IL17D: variants seen among roughly 807,000 people sequenced by gnomAD.
The protein encoded by IL17D is interleukin 17D.
A neutral mutation model predicts 5.7 loss-of-function variants in IL17D; 10 were observed. The observed-to-expected ratio is 1.75, with a 90% CI of 1.08 to 2.97. The LOEUF (loss-of-function observed/expected upper bound fraction) is 2.97. Ranked by LOEUF, IL17D falls within the 30% of genes most tolerant of loss-of-function variation. The probability of loss-of-function intolerance (pLI) is 0.00; values close to 1 mark genes in which losing one functional copy is unlikely to be tolerated. For missense variants in IL17D, 354 were observed against 292.7 expected, an observed-to-expected ratio of 1.21 and a Z score of -1.53; for synonymous variants, 172 against 141.7, an observed-to-expected ratio of 1.21 and a Z score of -1.52.
chr13:20,709,638 C>T (rs80229802), intron 1 of IL17D, among the ~76,000 whole-genome samples: 47 of 152,276 alleles, frequency 3.1e-4, no homozygotes, highest in Non-Finnish European at 6.3e-4. Flanking sequence ...GTTCTGTGTG[C>T]GTCTTATGAG....
At chr13:20,713,064 C>A (rs978498452) in intron 1 of IL17D, 6 of 145,456 alleles carry the variant, frequency 4.1e-5, no homozygotes, top group Non-Finnish European at 7.5e-5. Context: ...GGGTTATTTT[C>A]TAATGTCTTA....
chr13:20,709,435 A>G (rs934660765), intron 1 of IL17D, among the ~76,000 whole-genome samples: 1 of 152,158 alleles, frequency 6.6e-6, no homozygotes, highest in Non-Finnish European at 1.5e-5. Context: ...GATATTATAC[A>G]CTATAAGGAA....
Position 20,721,676 on chromosome 13 carries a change from G to A in IL17D, c.331G>A (p.Glu111Lys). The change falls in exon 2 of 2, where the codon GAA becomes AAA. Residue 111 changes from glutamate (E) to lysine (K), a missense_variant. Glu to Lys is a moderately conservative substitution (Grantham distance 56). Transcript: ENST00000682841. Reference sequence around the variant, plus strand: ...GGCGAGGTACCCCAGGTACCTGCCTGAAGCCTACTGCCTGTGCCGGGGCTG... The same window carrying A: ...GGCGAGGTACCCCAGGTACCTGCCTAAAGCCTACTGCCTGTGCCGGGGCTG... ...DPARYPRYLPEAYCLCRGCLT... is the reference protein window; with the variant it reads ...DPARYPRYLPKAYCLCRGCLT... 6.2e-7 allele frequency: 1 copy of A among 1,610,014 alleles called. No individual in the cohort carries two copies. The highest frequency in any genetic ancestry group is 8.5e-7 in the Non-Finnish European group (1 of 1,178,224).
intron 1 of IL17D, among the ~76,000 whole-genome samples, chr13:20,719,170 G>A (rs7986753): frequency 0.43 from 59,912 of 138,990 alleles, 12,944 homozygotes; most frequent in Middle Eastern, 0.57. Context: ...TGCCCATCAC[G>A]CACGCCTGCC....
chr13:20,721,303 C>A (rs1229908453), intron 1 of IL17D, among the ~76,000 whole-genome samples: 1 of 152,234 alleles, frequency 6.6e-6, no homozygotes, highest in Non-Finnish European at 1.5e-5. Context: ...GCAGCGGCTC[C>A]GGGGCCCTAG....
upstream of IL17D, chr13:20,703,463 G>C: frequency 1.0e-6 from 1 of 978,562 alleles, no homozygotes; most frequent in Middle Eastern, 5.2e-4. Context: ...AAAGACCACA[G>C]GGGGCTTCTC....
chr13:20,720,874 A>AACCCCCCC (rs1566522185), intron 1 of IL17D, among the ~76,000 whole-genome samples: 1 of 75,716 alleles, frequency 1.3e-5, no homozygotes, highest in African/African-American at 5.9e-5. Context: ...CTCCCTCCCA[A>AACCCCCCC]CCCCCCCCCC....
At position 20,704,192 on chromosome 13, in the gene IL17D, A is replaced by G; in HGVS notation, c.191A>G (p.Glu64Gly). The G allele has an allele frequency of 7.3e-7, 1 of 1,370,972 alleles. No individual in the cohort carries two copies. Among genetic ancestry groups the G allele is most frequent in the Non-Finnish European group, 9.5e-7 (1 of 1,056,698 alleles). The allele number at this position is 1,370,972 out of a possible 1,614,324, so 84.9% of individuals were successfully genotyped here. A position where few individuals can be genotyped will look rare whatever the true frequency, so the allele number is the denominator to read the frequency against. Residue 64 changes from glutamate to glycine, a missense_variant, in exon 1 of 2, where the codon GAG (glutamate) becomes GGG (glycine). Physicochemically the swap from Glu to Gly is moderately conservative, Grantham distance 98. Transcript: ENST00000682841. Reference sequence around the variant, plus strand: ...CACACGCTGCAGCTGGGGCCGCGTGAGCAGGCGCGCAACGCGAGCTGCCCG... The same window carrying G: ...CACACGCTGCAGCTGGGGCCGCGTGGGCAGGCGCGCAACGCGAGCTGCCCG... ...FHHTLQLGPR[E>G]QARNASCPAG...
chr13:20,719,821 G>T (rs953222443), intron 1 of IL17D, among the ~76,000 whole-genome samples: 1 of 152,214 alleles, frequency 6.6e-6, no homozygotes, highest in Admixed American at 6.5e-5. Context: ...TGGGTTGCAT[G>T]TGTTTGATAA....
intron 1 of IL17D, among the ~76,000 whole-genome samples, chr13:20,718,728 A>G (rs1372657186): frequency 6.0e-5 from 6 of 99,200 alleles, no homozygotes; most frequent in Non-Finnish European, 8.5e-5. Flanking sequence ...ACTTACACAC[A>G]TGGCTACGCT....
At chr13:20,718,363 T>A (rs960015543) in intron 1 of IL17D, among the ~76,000 whole-genome samples, 7 of 151,704 alleles carry the variant, frequency 4.6e-5, no homozygotes, top group Non-Finnish European at 1.0e-4. Context: ...CGCCCACAGA[T>A]GCCCACGCTC....
rs111561959 is a variant in IL17D at position 20,721,749 on chromosome 13, C to G, written c.404C>G (p.Pro135Arg). 2 of 1,610,386 alleles carry G rather than the reference C, an allele frequency of 1.2e-6. No homozygotes were observed. The highest frequency in any genetic ancestry group is 1.7e-5 in the Admixed American group (1 of 59,964). The stretch of plus-strand genomic sequence containing the variant: ...GAGGACGTGCGCTTCCGCAGCGCCC[C>G]TGTCTACATGCCCACCGTCGTCCTG... Reference protein sequence around the residue: ...GEEDVRFRSAPVYMPTVVLRR... With the variant: ...GEEDVRFRSARVYMPTVVLRR... Residue 135 changes from proline (P) to arginine (R), a missense_variant, in exon 2 of 2, where the codon CCT (proline) becomes CGT (arginine). Pro to Arg is a moderately radical substitution (Grantham distance 103). Coordinates refer to ENST00000682841, the MANE Select transcript of IL17D (RefSeq NM_001385224.1).
chr13:20,704,109 G>A lies in IL17D; in HGVS notation c.108G>A (p.Glu36=). 3.1e-6 allele frequency: 4 copies of A among 1,292,154 alleles called. No homozygotes were observed. Among genetic ancestry groups the A allele is most frequent in the Non-Finnish European group, 4.0e-6 (4 of 1,008,262 alleles). 80.0% of individuals were successfully genotyped at this position (1,292,154 alleles called of 1,614,324 possible). A position where few individuals can be genotyped will look rare whatever the true frequency, so the allele number is the denominator to read the frequency against. ...ARPRGCADRP[E]ELLEQLYGRL... is the part of the protein sequence containing the mutation. ...CGCGGGGCTGCGCGGACCGGCCGGA[G>A]GAGCTACTGGAGCAGCTGTACGGGC... is the stretch of plus-strand genomic sequence containing the variant. The change falls in exon 1 of 2, where the codon GAG becomes GAA. Residue 36 remains glutamate (E), a synonymous_variant. Transcript: ENST00000682841.
chr13:20,719,336 C>T (rs533846549), intron 1 of IL17D, among the ~76,000 whole-genome samples: 24 of 148,278 alleles, frequency 1.6e-4, no homozygotes, highest in Non-Finnish European at 3.1e-4. Flanking sequence ...TGCCCACACT[C>T]ACCCACACAC....
rs1428547197 is a variant in IL17D at position 20,718,478 on chromosome 13, TCACACCTGCCCCCA to T, written c.291-3146_291-3133del. 3.0e-3 allele frequency among the ~76,000 whole-genome samples: 367 copies of T among 121,924 alleles called. 2 individuals are homozygous for T. The highest frequency in any genetic ancestry group is 6.0e-3 in the Middle Eastern group (1 of 166). The allele number at this position is 121,924 out of a possible 152,430, so 80.0% of individuals were successfully genotyped here. ...CACACCCACACACACCTGCCCACGC[TCACACCTGCCCCCA>T]CACACCTGCCCACACTCAGACACAC... On this transcript the variant is annotated intron_variant, in intron 1 of 1. Coordinates refer to ENST00000682841, the MANE Select transcript of IL17D (RefSeq NM_001385224.1).
rs10644027 is a variant in IL17D at position 20,708,843 on chromosome 13, C to CAA, written c.290+4568_290+4569dup. Reference sequence around the variant, plus strand: ...TGAAACCCCATCTCTACTAAAAATACAAAAAAAAAAAAAAAAATTAGCCAG... The same window carrying CAA: ...TGAAACCCCATCTCTACTAAAAATACAAAAAAAAAAAAAAAAAAATTAGCCAG... On this transcript the variant is annotated intron_variant, in intron 1 of 1. Transcript: ENST00000682841. 2.2e-3 allele frequency among the ~76,000 whole-genome samples: 241 copies of CAA among 111,804 alleles called. 11 individuals carry two copies. Among genetic ancestry groups the CAA allele is most frequent in the African/African-American group, 7.3e-3 (216 of 29,502 alleles). 73.3% of individuals were successfully genotyped at this position (111,804 alleles called of 152,430 possible).
intron 1 of IL17D, chr13:20,712,586 T>TCTGCCCCA (rs2058648018): frequency 6.6e-6 from 1 of 151,680 alleles, no homozygotes; most frequent in Non-Finnish European, 1.5e-5. Context: ...CAAAACTACG[T>TCTGCCCCA]CTCAAAAACA....
chr13:20,712,406 T>G (rs1246930110), intron 1 of IL17D: 1 of 152,130 alleles, frequency 6.6e-6, no homozygotes, highest in Non-Finnish European at 1.5e-5. Flanking sequence ...CTGACCAACA[T>G]GGTGAAACCC....
intron 1 of IL17D, among the ~76,000 whole-genome samples, chr13:20,704,652 C>G (rs1399882281): frequency 6.6e-6 from 1 of 152,134 alleles, no homozygotes; most frequent in Non-Finnish European, 1.5e-5. Context: ...CTTTACCCTC[C>G]AGTATTTCCT....
Sources: allele counts gnomAD v4.1 joint callset (sites outside exome capture counted in the v4.1 genomes callset), GRCh38; gene constraint gnomAD v4.1.1; transcripts MANE v1.5; gene names NCBI Gene and HGNC (gene_info 2026-07-23, HGNC 2026-07-21).